CNTNAP2: variants seen among roughly 807,000 people sequenced by gnomAD.
CNTNAP2 encodes contactin-associated protein-like 2.
Under a neutral mutation model 155.2 loss-of-function variants are expected in CNTNAP2, and 98 were observed. The ratio of observed to expected loss-of-function variants is 0.63; its 90% CI spans 0.54 to 0.75. The LOEUF is 0.75. Among genes scored for constraint, CNTNAP2 ranks in the 30% least tolerant of loss-of-function variants. The pLI, the probability that CNTNAP2 is intolerant of heterozygous loss-of-function variation, is 0.00. For synonymous variants in CNTNAP2, 651 were observed against 631.2 expected (o/e 1.03, Z -0.47); for missense variants, 1,727 against 1,688.1 (o/e 1.02, Z -0.40).
At chr7:147,950,364 CAAAAAAAAAAAA>C (rs386411606) in intron 14 of CNTNAP2, among the ~76,000 whole-genome samples, 50 of 55,784 alleles carry the variant, frequency 9.0e-4, no homozygotes, top group African/African-American at 3.9e-3. Context: ...CATAGAGAGG[CAAAAAAAAAAAA>C]AAAAAAAAAA....
At chr7:146,751,996 G>A (rs931645111) in intron 1 of CNTNAP2, among the ~76,000 whole-genome samples, 1 of 152,112 alleles carries the variant, frequency 6.6e-6, no homozygotes, top group African/African-American at 2.4e-5. Flanking sequence ...TGGTGTATAT[G>A]TGCCACCTTT....
chr7:147,831,137 G>A (rs909149519), intron 13 of CNTNAP2, among the ~76,000 whole-genome samples: 1 of 152,046 alleles, frequency 6.6e-6, no homozygotes, highest in Non-Finnish European at 1.5e-5. Flanking sequence ...GTCCAAACAT[G>A]AATTAAAGCT....
At chr7:146,544,596 C>T (rs898720077) in intron 1 of CNTNAP2, among the ~76,000 whole-genome samples, 1 of 151,832 alleles carries the variant, frequency 6.6e-6, no homozygotes, top group Non-Finnish European at 1.5e-5. Flanking sequence ...TCCTCACCCC[C>T]ATGAGGAAAG....
intron 13 of CNTNAP2, among the ~76,000 whole-genome samples, chr7:147,665,989 G>A (rs950991248): frequency 2.2e-4 from 33 of 152,258 alleles, no homozygotes; most frequent in African/African-American, 5.5e-4. Context: ...GCACTTAATA[G>A]TGTATCTATA....
intron 3 of CNTNAP2, among the ~76,000 whole-genome samples, chr7:146,940,521 T>G (rs1797030449): frequency 6.6e-6 from 1 of 151,842 alleles, no homozygotes; most frequent in African/African-American, 2.4e-5. Flanking sequence ...GTGTTAAAGG[T>G]GGAGTGTGGA....
intron 13 of CNTNAP2, among the ~76,000 whole-genome samples, chr7:147,720,707 T>A (rs917435650): frequency 7.2e-5 from 11 of 152,120 alleles, no homozygotes; most frequent in African/African-American, 2.7e-4. Flanking sequence ...GCACTTCTCC[T>A]TCCTGCCGCC....
intron 9 of CNTNAP2, among the ~76,000 whole-genome samples, chr7:147,378,598 G>A (rs576946977): frequency 6.6e-6 from 1 of 152,156 alleles, no homozygotes; most frequent in African/African-American, 2.4e-5. Context: ...GGTTATCAAA[G>A]GCTGGGAAGG....
chr7:146,356,139 G>A (rs1794994700), intron 1 of CNTNAP2, among the ~76,000 whole-genome samples: 1 of 151,436 alleles, frequency 6.6e-6, no homozygotes, highest in Non-Finnish European at 1.5e-5. Flanking sequence ...AACTCAAATA[G>A]CATTCCATTT....
intron 12 of CNTNAP2, among the ~76,000 whole-genome samples, chr7:147,566,317 G>A (rs1800169307): frequency 7.8e-6 from 1 of 127,924 alleles, no homozygotes; most frequent in Admixed American, 8.1e-5. Flanking sequence ...GGAGTAAGAG[G>A]AGGAGGAGGG....
At chr7:147,621,054 A>G (rs1430926547) in intron 12 of CNTNAP2, among the ~76,000 whole-genome samples, 1 of 152,190 alleles carries the variant, frequency 6.6e-6, no homozygotes, top group Non-Finnish European at 1.5e-5. Flanking sequence ...TTGAAACCTT[A>G]CAGACCAGGA....
chr7:146,335,498 C>T (rs6955461), intron 1 of CNTNAP2, among the ~76,000 whole-genome samples: 3,076 of 152,148 alleles, frequency 0.02, 121 homozygotes, highest in African/African-American at 0.07. Flanking sequence ...AAGAAGGAGC[C>T]TCCCAACATT....
At position 146,997,973 on chromosome 7, in the gene CNTNAP2, A is replaced by G. The variant is rs182929602; in HGVS notation, c.403-45934A>G. 8.7e-4 allele frequency among the ~76,000 whole-genome samples: 133 copies of G among 152,088 alleles called. 1 individual carries two copies. The East Asian group carries it at 0.015, about 17-fold the overall frequency. Reference sequence around the variant, plus strand: ...AGCTAATGGTTTGTCTACTTCATTTATCAATTCAAAAAACTAACTCAGTTT... The same window carrying G: ...AGCTAATGGTTTGTCTACTTCATTTGTCAATTCAAAAAACTAACTCAGTTT... On this transcript the variant is annotated intron_variant, in intron 3 of 23. Transcript: ENST00000361727.
At chr7:148,065,483 A>G (rs542116924) in intron 15 of CNTNAP2, among the ~76,000 whole-genome samples, 12 of 152,194 alleles carry the variant, frequency 7.9e-5, no homozygotes, top group African/African-American at 2.6e-4. Flanking sequence ...TTAGGTGCAT[A>G]TATATTTAAT....
chr7:146,660,063 C>T (rs1024212855), intron 1 of CNTNAP2, among the ~76,000 whole-genome samples: 3 of 152,178 alleles, frequency 2.0e-5, no homozygotes, highest in African/African-American at 7.2e-5. Context: ...CCTGAACATA[C>T]CTCTGGTAAT....
At chr7:147,778,450 T>C (rs1797619743) in intron 13 of CNTNAP2, among the ~76,000 whole-genome samples, 1 of 152,246 alleles carries the variant, frequency 6.6e-6, no homozygotes, top group South Asian at 2.1e-4. Flanking sequence ...CATTCTGGAA[T>C]AATCATTTAA....
intron 2 of CNTNAP2, among the ~76,000 whole-genome samples, chr7:146,827,824 A>C (rs981164637): frequency 2.0e-5 from 3 of 152,172 alleles, no homozygotes; most frequent in Non-Finnish European, 4.4e-5. Context: ...AATACATACA[A>C]CATGAAGCTC....
At chr7:148,106,519 T>TATATATATATATATATATATATAC (rs1491129840) in intron 15 of CNTNAP2, among the ~76,000 whole-genome samples, 9 of 130,882 alleles carry the variant, frequency 6.9e-5, no homozygotes, top group African/African-American at 2.5e-4. Context: ...TATATATATA[T>TATATATATATATATATATATATAC]ACATATTTTT....
intron 3 of CNTNAP2, among the ~76,000 whole-genome samples, chr7:146,874,371 C>T (rs1019574425): frequency 1.3e-5 from 2 of 151,932 alleles, no homozygotes; most frequent in African/African-American, 4.8e-5. Context: ...TGGAGTCTTG[C>T]TCTGTCACCA....
intron 8 of CNTNAP2, among the ~76,000 whole-genome samples, chr7:147,208,944 T>C (rs1803078892): frequency 6.6e-6 from 1 of 151,984 alleles, no homozygotes; most frequent in Non-Finnish European, 1.5e-5. Context: ...TGCATAGTGC[T>C]ATACAAAAAA....
Sources: gnomAD v4.1 joint callset for allele counts (sites outside exome capture counted in the v4.1 genomes callset) on GRCh38, gnomAD v4.1.1 for gene constraint, MANE v1.5 for transcripts, NCBI Gene and HGNC (gene_info 2026-07-23, HGNC 2026-07-21) for gene names.